The following APP variants were observed in gnomAD, a reference collection of about 807,000 sequenced individuals.
APP encodes amyloid beta precursor protein.
A neutral mutation model predicts 101.4 loss-of-function variants in APP; 31 were observed. That is an observed-to-expected ratio of 0.31 (90% CI 0.23 to 0.41). The LOEUF (loss-of-function observed/expected upper bound fraction) is 0.41, where lower values mean the gene tolerates loss of function less well. APP is among the 10% of genes least tolerant of loss of function. The pLI is 1.00. For missense variants in APP, 839 were observed against 1,003.7 expected (o/e 0.84, Z 2.22); for synonymous variants, 366 against 364.4 (o/e 1.00, Z -0.05).
intron 2 of APP, among the ~76,000 whole-genome samples, chr21:26,102,777 C>T (rs1488662923): frequency 6.6e-6 from 1 of 150,884 alleles, no homozygotes; most frequent in Non-Finnish European, 1.5e-5. Flanking sequence ...GTAATCTCAG[C>T]TACTTGGGAG....
At chr21:26,140,865 A>T (rs1202128912) in intron 1 of APP, among the ~76,000 whole-genome samples, 2 of 152,212 alleles carry the variant, frequency 1.3e-5, no homozygotes, top group Non-Finnish European at 1.5e-5. Flanking sequence ...GGTTGGGCTA[A>T]ATGTTCTCAA....
intron 13 of APP, among the ~76,000 whole-genome samples, chr21:25,939,232 C>G (rs1471108766): frequency 1.3e-5 from 2 of 152,160 alleles, no homozygotes; most frequent in Non-Finnish European, 2.9e-5. Flanking sequence ...CAGGTCCATA[C>G]AGAACATGGG....
chr21:26,119,035 C>G (rs1414755877), intron 1 of APP, among the ~76,000 whole-genome samples: 1 of 152,126 alleles, frequency 6.6e-6, no homozygotes, highest in Admixed American at 6.5e-5. Context: ...CTACTAAGGC[C>G]TTTGCTCATT....
chr21:25,885,909 A>G (rs555380138), intron 17 of APP, among the ~76,000 whole-genome samples: 62 of 152,242 alleles, frequency 4.1e-4, no homozygotes, highest in African/African-American at 1.3e-3. Context: ...CTTAGTTTCT[A>G]GGTCTCCTCC....
rs1002535644 is a variant in APP, at chr21:26,050,879, A to G, written c.662+121T>C. 1.3e-5 allele frequency: 16 copies of G among 1,197,830 alleles called. No individual in the cohort carries two copies. In the African/African-American group the frequency reaches 2.3e-4, roughly 17 times the overall value. 74.2% of individuals were successfully genotyped at this position (1,197,830 alleles called of 1,614,324 possible). ...AGTTCAGATTTTTGCATAACAGCAG[A>G]CTCTGATGGGAGTGGGCAGAGACCT... On this transcript the variant is annotated intron_variant, in intron 5 of 17. Transcript: ENST00000346798.
chr21:26,044,602 C>A (rs898744167), intron 5 of APP, among the ~76,000 whole-genome samples: 2 of 152,080 alleles, frequency 1.3e-5, no homozygotes, highest in Admixed American at 1.3e-4. Context: ...TGTGATGGTG[C>A]AATCTTGGCT....
At chr21:25,943,827 G>A (rs2040687638) in intron 13 of APP, among the ~76,000 whole-genome samples, 1 of 152,200 alleles carries the variant, frequency 6.6e-6, no homozygotes, top group Non-Finnish European at 1.5e-5. Context: ...TATCTCAGTG[G>A]TGATGATAAA....
At chr21:25,926,295 A>C (rs1430439911) in intron 13 of APP, among the ~76,000 whole-genome samples, 1 of 152,196 alleles carries the variant, frequency 6.6e-6, no homozygotes, top group Non-Finnish European at 1.5e-5. Context: ...ACGGGCCTTC[A>C]CTAGTGAGTA....
intron 8 of APP, among the ~76,000 whole-genome samples, chr21:25,984,615 T>G (rs1000292725): frequency 1.3e-5 from 2 of 152,332 alleles, no homozygotes; most frequent in African/African-American, 4.8e-5. Flanking sequence ...CTTACTGACT[T>G]TAACTTAATG....
intron 1 of APP, among the ~76,000 whole-genome samples, chr21:26,124,746 T>A (rs2062646283): frequency 6.6e-6 from 1 of 152,208 alleles, no homozygotes; most frequent in South Asian, 2.1e-4. Flanking sequence ...CTGATGGTTA[T>A]CAAACACATG....
At chr21:26,076,327 T>C (rs558459566) in intron 3 of APP, among the ~76,000 whole-genome samples, 4 of 152,138 alleles carry the variant, frequency 2.6e-5, no homozygotes, top group Non-Finnish European at 5.9e-5. Flanking sequence ...CTACCTCCTA[T>C]GCTCACAACA....
At chr21:25,982,557 T>A in intron 8 of APP, 80 bp from the exon 9 acceptor site, 1 of 1,359,416 alleles carries the variant, frequency 7.4e-7, no homozygotes, top group Non-Finnish European at 1.0e-6. Context: ...TAGAAAGCCG[T>A]ATTTTCAGTT....
intron 5 of APP, among the ~76,000 whole-genome samples, chr21:26,030,829 C>CATATAT (rs967573605): frequency 4.6e-5 from 7 of 152,106 alleles, no homozygotes; most frequent in Admixed American, 6.6e-5. Flanking sequence ...ATGGGTGATC[C>CATATAT]ATATATATTT....
At chr21:25,962,736 A>G (rs2041633676) in intron 11 of APP, among the ~76,000 whole-genome samples, 2 of 152,214 alleles carry the variant, frequency 1.3e-5, no homozygotes. Flanking sequence ...CATCTCACAT[A>G]TTGTGTTCTT....
At chr21:26,024,958 G>T (rs2044504723) in intron 5 of APP, among the ~76,000 whole-genome samples, 1 of 152,216 alleles carries the variant, frequency 6.6e-6, no homozygotes, top group African/African-American at 2.4e-5. Flanking sequence ...AATAAATGAA[G>T]TGTTAATACA....
chr21:25,886,179 A>T (rs1341756396), intron 17 of APP, among the ~76,000 whole-genome samples: 1 of 152,122 alleles, frequency 6.6e-6, no homozygotes, highest in East Asian at 1.9e-4. Flanking sequence ...GCGGAAAAAA[A>T]AAATAAAAGC....
At chr21:25,888,437 A>G (rs1053121300) in intron 17 of APP, among the ~76,000 whole-genome samples, 2 of 152,194 alleles carry the variant, frequency 1.3e-5, no homozygotes, top group African/African-American at 4.8e-5. Flanking sequence ...GAAAAGCGGA[A>G]TGTGGTCTAT....
intron 3 of APP, among the ~76,000 whole-genome samples, chr21:26,081,422 G>A (rs1226361681): frequency 6.6e-6 from 1 of 150,440 alleles, no homozygotes; most frequent in East Asian, 2.0e-4. Context: ...GTCACAGGGT[G>A]CTCAGTGGGG....
chr21:26,111,200 T>A (rs553753096), intron 2 of APP, among the ~76,000 whole-genome samples: 1 of 148,020 alleles, frequency 6.8e-6, no homozygotes, highest in African/African-American at 2.5e-5. Flanking sequence ...TCAGGAACAA[T>A]GAAAATGTTT....
Sources: gnomAD v4.1 joint callset for allele counts (sites outside exome capture counted in the v4.1 genomes callset) on GRCh38, gnomAD v4.1.1 for gene constraint, MANE v1.5 for transcripts, NCBI Gene and HGNC (gene_info 2026-07-23, HGNC 2026-07-21) for gene names.